Variants in SPRING1 observed in about 807,000 individuals in gnomAD.
SPRING1 encodes the protein SREBP regulating gene protein.
In SPRING1, 14 loss-of-function variants were observed where a neutral mutation model predicts 24.7. That is an observed-to-expected ratio of 0.57 (90% confidence interval 0.37 to 0.88). SPRING1 has a LOEUF of 0.88. Ranked by LOEUF, SPRING1 falls within the 40% of genes least tolerant of loss-of-function variation. The pLI is 0.00. For synonymous variants in SPRING1, 93 were observed against 106.1 expected, an observed-to-expected ratio of 0.88 and a Z score of 0.76; for missense variants, 255 against 268.4, an observed-to-expected ratio of 0.95 and a Z score of 0.35.
chr12:116,731,763 TAAAC>T (rs1344287321), intron 1 of SPRING1, among the ~76,000 whole-genome samples: 3 of 151,748 alleles, frequency 2.0e-5, no homozygotes, highest in Non-Finnish European at 4.4e-5. Context: ...AACAAACAAA[TAAAC>T]AAAACCAAGT....
In SPRING1 at chr12:116,712,225, C is replaced by G. The variant is rs920947593; in HGVS notation, c.*5585G>C. ...TTTACTACATTAAAGTCTGCACTTT[C>G]ATTTTACAGACAGTCCTACAGTTCA... On this transcript the variant is annotated 3_prime_UTR_variant, in exon 5 of 5. Transcript: ENST00000261318. 1 of 152,232 alleles carries G rather than the reference C, an allele frequency of 6.6e-6. No individual in the cohort carries two copies. Among genetic ancestry groups the G allele is most frequent in the African/African-American group, 2.4e-5 (1 of 41,468 alleles). 9.4% of individuals were successfully genotyped at this position (152,232 alleles called of 1,614,324 possible).
chr12:116,732,943 T>C (rs1043440402), intron 1 of SPRING1, among the ~76,000 whole-genome samples: 1 of 152,192 alleles, frequency 6.6e-6, no homozygotes, highest in African/African-American at 2.4e-5. Flanking sequence ...TCAAAGGACA[T>C]GATAAGGCCA....
rs1870242843 is a variant in SPRING1 at position 116,717,964 on chromosome 12, T to G, written c.535-71A>C. ...TTCACACACCTCCCTCTCGGAAGAG[T>G]GAGAGTGGATCGGGACTGTCAGACT... On this transcript the variant is annotated intron_variant, in intron 4 of 4. Coordinates refer to ENST00000261318, the MANE Select transcript of SPRING1 (RefSeq NM_024738.4). This position sits in a 1 kb window ranked among gnomAD's most constrained non-coding sequence, Gnocchi z 4.2. 1 of 1,286,066 alleles carries G rather than the reference T, an allele frequency of 7.8e-7. No individual in the cohort carries two copies. Among genetic ancestry groups the G allele is most frequent in the Non-Finnish European group, 1.1e-6 (1 of 940,364 alleles). 79.7% of individuals were successfully genotyped at this position (1,286,066 alleles called of 1,614,324 possible). A position where few individuals can be genotyped will look rare whatever the true frequency, so the allele number is the denominator to read the frequency against.
chr12:116,712,757 C>G lies in SPRING1; in HGVS notation c.*5053G>C, dbSNP rs1419631562. On this transcript the variant is annotated 3_prime_UTR_variant, in exon 5 of 5. Coordinates refer to ENST00000261318, the MANE Select transcript of SPRING1 (RefSeq NM_024738.4). ...TCCGTCGTAGAGGGGAAGCGTTCTA[C>G]CCCTCCAGATCCTTCTGCAGACAGG... 2 of 152,310 alleles carry G rather than the reference C, an allele frequency of 1.3e-5. No homozygotes were observed. Among genetic ancestry groups the G allele is most frequent in the Non-Finnish European group, 2.9e-5 (2 of 68,060 alleles). The allele number at this position is 152,310 out of a possible 1,614,324, so 9.4% of individuals were successfully genotyped here.
chr12:116,723,917 A>G (rs1038332754), intron 1 of SPRING1, among the ~76,000 whole-genome samples: 3 of 152,138 alleles, frequency 2.0e-5, no homozygotes, highest in African/African-American at 7.2e-5. Context: ...TCTGGTCTTG[A>G]AGCTATGTCC....
chr12:116,725,271 G>T (rs139822297), intron 1 of SPRING1, among the ~76,000 whole-genome samples: 1 of 152,082 alleles, frequency 6.6e-6, no homozygotes, highest in Non-Finnish European at 1.5e-5. Context: ...ATTCCGTCCC[G>T]CCCGGGCTGT....
chr12:116,722,947 G>A, intron 2 of SPRING1, 120 bp downstream of exon 2: 1 of 1,276,088 alleles, frequency 7.8e-7, no homozygotes, highest in Non-Finnish European at 1.1e-6. Flanking sequence ...GGGGAATGTT[G>A]GAGATGAGCG....
Position 116,737,995 on chromosome 12 carries a change from C to G in SPRING1, c.-95G>C. 1 of 1,163,846 alleles carries G rather than the reference C, an allele frequency of 8.6e-7. No individual in the cohort carries two copies. Among genetic ancestry groups the G allele is most frequent in the South Asian group, 4.2e-5 (1 of 23,826 alleles). 72.1% of individuals were successfully genotyped at this position (1,163,846 alleles called of 1,614,324 possible). A position where few individuals can be genotyped will look rare whatever the true frequency, so the allele number is the denominator to read the frequency against. ...CCCCTACGCGCCCGGCAGCCCCATC[C>G]CTCCAGGCAGGCGCCGGCCCCGCCG... On this transcript the variant is annotated 5_prime_UTR_variant, in exon 1 of 5. Coordinates refer to ENST00000261318, the MANE Select transcript of SPRING1 (RefSeq NM_024738.4).
rs1258731992 is a variant in SPRING1, at chr12:116,717,082, G to C, written c.*728C>G. 6.6e-6 allele frequency: 1 copy of C among 152,212 alleles called. No homozygotes were observed. The highest frequency in any genetic ancestry group is 1.5e-5 in the Non-Finnish European group (1 of 68,050). The allele number at this position is 152,212 out of a possible 1,614,324, so 9.4% of individuals were successfully genotyped here. On this transcript the variant is annotated 3_prime_UTR_variant, in exon 5 of 5. Coordinates refer to ENST00000261318, the MANE Select transcript of SPRING1 (RefSeq NM_024738.4). This position sits in a 1 kb window ranked among gnomAD's most constrained non-coding sequence, Gnocchi z 4.2. ...GACTACCACTGGAAAATAACCTGAG[G>C]GCAGGCACATGGTGCCCACTGTTAG...
intron 1 of SPRING1, among the ~76,000 whole-genome samples, chr12:116,730,693 C>T (rs930943605): frequency 4.0e-5 from 6 of 151,736 alleles, no homozygotes; most frequent in South Asian, 2.1e-4. Flanking sequence ...ACAGATCTTA[C>T]GCAGATCTTC....
rs562892836 is a variant in SPRING1 at position 116,720,218 on chromosome 12, A to G, written c.420+78T>C. On this transcript the variant is annotated intron_variant, in intron 3 of 4. Transcript: ENST00000261318. This position sits in a 1 kb window ranked among gnomAD's most constrained non-coding sequence, Gnocchi z 4.0. ...AGTTTTATTTTCAGAGGAATCTCAC[A>G]TGAAGAGCCTAATGCTCATCATAAA... The G allele has an allele frequency of 3.9e-5, 58 of 1,476,604 alleles. No individual in the cohort carries two copies. In the African/African-American group the frequency reaches 7.0e-4, roughly 18 times the overall value. 91.5% of individuals were successfully genotyped at this position (1,476,604 alleles called of 1,614,324 possible). A position where few individuals can be genotyped will look rare whatever the true frequency, so the allele number is the denominator to read the frequency against.
At position 116,728,541 on chromosome 12, in the gene SPRING1, T is replaced by A. The variant is rs924459600; in HGVS notation, c.112-5318A>T. On this transcript the variant is annotated intron_variant, in intron 1 of 4. Transcript: ENST00000261318. This position sits in a 1 kb window ranked among gnomAD's most constrained non-coding sequence, Gnocchi z 4.2. ...TTATCCCCCATAGCATTAATTAACA[T>A]GAAAACCAAAGAAAAGAGGAATTCA... is the stretch of plus-strand genomic sequence containing the variant. Among the ~76,000 whole-genome samples the A allele has an allele frequency of 6.6e-6, 1 of 152,184 alleles. No homozygotes were observed. Among genetic ancestry groups the A allele is most frequent in the Non-Finnish European group, 1.5e-5 (1 of 68,030 alleles).
At chr12:116,731,622 C>G (rs947496139) in intron 1 of SPRING1, among the ~76,000 whole-genome samples, 4 of 152,094 alleles carry the variant, frequency 2.6e-5, no homozygotes, top group Admixed American at 2.0e-4. Context: ...TGGTTGCCCA[C>G]GCCTGTAGTC....
At chr12:116,736,588 C>T (rs963579142) in intron 1 of SPRING1, among the ~76,000 whole-genome samples, 3 of 152,182 alleles carry the variant, frequency 2.0e-5, no homozygotes, top group African/African-American at 7.2e-5. Context: ...ATTTTATTTA[C>T]ACACTTGAGC....
At chr12:116,731,189 A>T (rs339454) in intron 1 of SPRING1, among the ~76,000 whole-genome samples, 135,779 of 152,070 alleles carry the variant, frequency 0.89, 60,769 homozygotes, top group East Asian at 0.99. Flanking sequence ...AGTACTTTTT[A>T]AAAAAACTAC....
chr12:116,721,185 T>G (rs1467704657), intron 2 of SPRING1, among the ~76,000 whole-genome samples: 1 of 152,170 alleles, frequency 6.6e-6, no homozygotes, highest in Non-Finnish European at 1.5e-5. Flanking sequence ...CAAAAGCTAA[T>G]GTATTGTTCA....
At chr12:116,737,535 GAAGGT>G (rs1354964827) in intron 1 of SPRING1, among the ~76,000 whole-genome samples, 1 of 7,978 alleles carries the variant, frequency 1.3e-4, no homozygotes. Context: ...GAAGGAGGAG[GAAGGT>G]GAGGAAGGTA....
At chr12:116,726,971 T>C (rs1237620430) in intron 1 of SPRING1, among the ~76,000 whole-genome samples, 1 of 152,196 alleles carries the variant, frequency 6.6e-6, no homozygotes, top group Admixed American at 6.5e-5. Flanking sequence ...ATTCAAGACC[T>C]TGCCAAAAGG....
chr12:116,725,796 G>C (rs553324596), intron 1 of SPRING1, among the ~76,000 whole-genome samples: 2 of 151,956 alleles, frequency 1.3e-5, no homozygotes, highest in East Asian at 3.9e-4. Context: ...TGAGGCAGGA[G>C]AATGGCATGA....
Sources: allele counts gnomAD v4.1 joint callset (sites outside exome capture counted in the v4.1 genomes callset), GRCh38; gene constraint gnomAD v4.1.1; non-coding constraint Gnocchi (gnomAD v3.1); transcripts MANE v1.5; gene names NCBI Gene and HGNC (gene_info 2026-07-23, HGNC 2026-07-21).